The following AMOTL1 variants were observed in gnomAD, a reference collection of about 807,000 sequenced individuals.
The protein encoded by AMOTL1 is angiomotin-like protein 1.
AMOTL1 carries 45 observed loss-of-function variants against 102.9 expected under a neutral mutation model. The observed-to-expected ratio is 0.44, with a 90% CI of 0.34 to 0.56. The LOEUF (loss-of-function observed/expected upper bound fraction) is 0.56, where lower values mean the gene tolerates loss of function less well. Among genes scored for constraint, AMOTL1 ranks in the 20% least tolerant of loss-of-function variants. AMOTL1 has a pLI of 0.01. For synonymous variants in AMOTL1, 481 were observed against 484.7 expected (o/e 0.99, Z 0.10); for missense variants, 1,114 against 1,225.6 (o/e 0.91, Z 1.36).
intron 3 of AMOTL1, among the ~76,000 whole-genome samples, chr11:94,746,223 T>C (rs1245345756): frequency 6.6e-6 from 1 of 152,140 alleles, no homozygotes; most frequent in African/African-American, 2.4e-5. Context: ...TGTCAAGAAA[T>C]ATGCTTTCTT....
In AMOTL1 at chr11:94,795,144, C is replaced by T. The variant is rs1951343755; in HGVS notation, c.183C>T (p.Ser61=). The part of the protein sequence containing the change: ...TSALTVEATS[S]IREKVVEDPL... ...CTTTGACGGTGGAGGCAACCAGTAG[C>T]ATCAGGGAAAAAGTTGGTAAGTCCT... is the stretch of plus-strand genomic sequence containing the variant. The change falls in exon 2 of 13, where the codon AGC becomes AGT. Residue 61 remains serine, a synonymous_variant. Transcript: ENST00000433060. The T allele has an allele frequency of 3.1e-6, 5 of 1,613,436 alleles. No individual in the cohort carries two copies. Among genetic ancestry groups the T allele is most frequent in the Admixed American group, 1.7e-5 (1 of 59,932 alleles).
At position 94,738,155 on chromosome 11, in the gene AMOTL1, G is replaced by C. The variant is rs543854030; in HGVS notation, c.86-2783G>C. Among the ~76,000 whole-genome samples, 10 of 152,254 alleles carry C rather than the reference G, an allele frequency of 6.6e-5. No homozygotes were observed. In the South Asian group the frequency reaches 1.9e-3, roughly 28 times the overall value. ...CATCCATAGCAACAAGAGAGCGGGA[G>C]AGTAAATAAACAGGCAAATGCAGAG... On this transcript the variant is annotated intron_variant, in intron 2 of 4. Coordinates refer to the AMOTL1 transcript ENST00000299004.
chr11:94,856,377 T>C (rs1201200807), intron 8 of AMOTL1, among the ~76,000 whole-genome samples: 2 of 152,160 alleles, frequency 1.3e-5, no homozygotes, highest in Admixed American at 1.3e-4. Flanking sequence ...ATCTTGAGTT[T>C]TTTACTGGTT....
At position 94,822,797 on chromosome 11, in the gene AMOTL1, C is replaced by T. The variant is rs145110003; in HGVS notation, c.1413+976C>T. Among the ~76,000 whole-genome samples, 67 of 152,270 alleles carry T rather than the reference C, an allele frequency of 4.4e-4. No individual in the cohort carries two copies. The East Asian group carries it at 9.1e-3, about 21-fold the overall frequency. On this transcript the variant is annotated intron_variant, in intron 4 of 12. Transcript: ENST00000433060. ...GATTTCATTATGCCCCTCAGGTCAG[C>T]ATCTGATGTGCTACAGGTAGGATGC...
intron 1 of AMOTL1, among the ~76,000 whole-genome samples, chr11:94,723,615 C>T (rs780612689): frequency 6.6e-6 from 1 of 152,100 alleles, no homozygotes; most frequent in Non-Finnish European, 1.5e-5. Flanking sequence ...GTGACTCAAA[C>T]TCTTCAATTC....
At chr11:94,777,583 C>CT (rs1196307767) in intron 1 of AMOTL1, among the ~76,000 whole-genome samples, 1 of 151,910 alleles carries the variant, frequency 6.6e-6, no homozygotes, top group Non-Finnish European at 1.5e-5. Context: ...ACTAAAATAA[C>CT]TTTATTAGTT....
At chr11:94,835,581 A>G (rs952918774) in intron 6 of AMOTL1, among the ~76,000 whole-genome samples, 2 of 152,238 alleles carry the variant, frequency 1.3e-5, no homozygotes, top group Non-Finnish European at 2.9e-5. Context: ...GGGTTTTTAA[A>G]TAGTTATGTT....
intron 3 of AMOTL1, among the ~76,000 whole-genome samples, chr11:94,762,704 G>A (rs1950808554): frequency 6.6e-6 from 1 of 152,118 alleles, no homozygotes; most frequent in South Asian, 2.1e-4. Context: ...AGTTTGTTTG[G>A]GGCCAACGTC....
chr11:94,773,986 G>C (rs1023857694), intron 1 of AMOTL1, among the ~76,000 whole-genome samples: 29 of 152,208 alleles, frequency 1.9e-4, no homozygotes, highest in African/African-American at 7.0e-4. Context: ...GAAGCCTCAT[G>C]AGTAAAATGG....
At chr11:94,763,649 T>C (rs1950821814), upstream of AMOTL1, among the ~76,000 whole-genome samples, 2 of 152,238 alleles carry the variant, frequency 1.3e-5, no homozygotes, top group South Asian at 2.1e-4. Context: ...GTATTAATAC[T>C]GTATTCTTAC....
chr11:94,784,968 CAAA>C (rs3031880), intron 1 of AMOTL1, among the ~76,000 whole-genome samples: 56 of 146,750 alleles, frequency 3.8e-4, no homozygotes, highest in Admixed American at 5.4e-4. Context: ...AAATAATGTG[CAAA>C]AAAAAAAAAA....
At chr11:94,785,689 A>C (rs1369623537) in intron 1 of AMOTL1, among the ~76,000 whole-genome samples, 2 of 152,174 alleles carry the variant, frequency 1.3e-5, no homozygotes, top group Non-Finnish European at 2.9e-5. Flanking sequence ...AGTGTCACTC[A>C]TCTGCAACAA....
At position 94,799,690 on chromosome 11, in the gene AMOTL1, T is replaced by C; in HGVS notation, c.500T>C (p.Val167Ala). The change falls in exon 3 of 13, where the codon GTG (valine) becomes GCG (alanine). Residue 167 changes from valine to alanine, a missense_variant. Physicochemically the swap from Val to Ala is moderately conservative, Grantham distance 64. Transcript: ENST00000433060. This position sits in a 1 kb window ranked among gnomAD's most constrained non-coding sequence, Gnocchi z 4.5. ...RQEPQGQEHQ[V>A]DNTVMEKQVR... ...GAACCGCAGGGTCAAGAACACCAGG[T>C]GGACAATACGGTGATGGAGAAACAG... The C allele has an allele frequency of 6.2e-7, 1 of 1,613,774 alleles. No individual in the cohort carries two copies. The highest frequency in any genetic ancestry group is 8.5e-7 in the Non-Finnish European group (1 of 1,179,868).
chr11:94,747,701 G>A (rs979448749), intron 3 of AMOTL1, among the ~76,000 whole-genome samples: 1 of 152,168 alleles, frequency 6.6e-6, no homozygotes, highest in Admixed American at 6.5e-5. Flanking sequence ...CTTGTGCAAT[G>A]GTCAAATGTA....
At chr11:94,707,023 G>A (rs1949939702) in intron 1 of AMOTL1, among the ~76,000 whole-genome samples, 1 of 152,016 alleles carries the variant, frequency 6.6e-6, no homozygotes, top group Admixed American at 6.6e-5. Context: ...GCCTTGATTT[G>A]CTGTTTCGCT....
In AMOTL1 at chr11:94,816,073, C is replaced by G. The variant is rs143575036; in HGVS notation, c.1122-5457C>G. Reference sequence around the variant, plus strand: ...TAAAGAATTGGGTAGTACAATGAAACTTTTTTTAAGATATTGATTTACCCT... The same window carrying G: ...TAAAGAATTGGGTAGTACAATGAAAGTTTTTTTAAGATATTGATTTACCCT... On this transcript the variant is annotated intron_variant, in intron 3 of 12. Transcript: ENST00000433060. 2.6e-3 allele frequency among the ~76,000 whole-genome samples: 394 copies of G among 152,206 alleles called. 2 individuals are homozygous for G. Among genetic ancestry groups the G allele is most frequent in the African/African-American group, 9.3e-3 (386 of 41,546 alleles).
At chr11:94,741,076 A>AACTGCGAGTTTGC in intron 3 of AMOTL1, 1 of 1,102,402 alleles carries the variant, frequency 9.1e-7, no homozygotes, top group African/African-American at 1.6e-5. Context: ...GAACTCAGCT[A>AACTGCGAGTTTGC]GGGATGGGGC....
chr11:94,751,777 A>AGC (rs1184186586), intron 3 of AMOTL1, among the ~76,000 whole-genome samples: 3 of 137,828 alleles, frequency 2.2e-5, no homozygotes, highest in Admixed American at 7.3e-5. Context: ...GCATTCACAC[A>AGC]GCACACACAC....
Position 94,795,077 on chromosome 11 carries a change from C to T in AMOTL1, c.116C>T (p.Ser39Phe). The part of the protein sequence containing the change: ...VQVLEDSTYF[S>F]PDFQLYSGRH... ...GTTCTAGAAGACTCCACCTACTTTTCCCCAGACTTTCAGCTCTATTCTGGG... is the reference window on the plus strand; with the variant it reads ...GTTCTAGAAGACTCCACCTACTTTTTCCCAGACTTTCAGCTCTATTCTGGG... Residue 39 changes from serine to phenylalanine, a missense_variant, in exon 2 of 13, where the codon TCC becomes TTC. By Grantham distance (155) the Ser-to-Phe change is radical. Transcript: ENST00000433060. The T allele has an allele frequency of 6.2e-7, 1 of 1,613,824 alleles. No individual in the cohort carries two copies. The highest frequency in any genetic ancestry group is 8.5e-7 in the Non-Finnish European group (1 of 1,179,856).
Sources: allele counts gnomAD v4.1 joint callset (sites outside exome capture counted in the v4.1 genomes callset), GRCh38; gene constraint gnomAD v4.1.1; non-coding constraint Gnocchi (gnomAD v3.1); transcripts MANE v1.5; gene names NCBI Gene and HGNC (gene_info 2026-07-23, HGNC 2026-07-21).